The following FAM135A variants were observed in gnomAD, a reference collection of about 807,000 sequenced individuals.
The protein encoded by FAM135A is protein FAM135A.
Under a neutral mutation model 146.8 loss-of-function variants are expected in FAM135A, and 79 were observed. That is an observed-to-expected ratio of 0.54 (90% confidence interval 0.45 to 0.65). FAM135A has a LOEUF of 0.65. Among genes scored for constraint, FAM135A ranks in the 30% least tolerant of loss-of-function variants. The pLI, the probability that FAM135A is intolerant of heterozygous loss-of-function variation, is 0.00. For missense variants in FAM135A, 1,623 were observed against 1,758.2 expected, an observed-to-expected ratio of 0.92 and a Z score of 1.38; for synonymous variants, 562 against 603.6, an observed-to-expected ratio of 0.93 and a Z score of 1.01.
At chr6:70,522,641 C>T (rs1171985865) in intron 13 of FAM135A, 55 bp downstream of exon 13, 5 of 1,379,310 alleles carry the variant, frequency 3.6e-6, no homozygotes, top group Non-Finnish European at 5.1e-6. Flanking sequence ...ACATAAGATA[C>T]CTGTCTCAGA....
In FAM135A at chr6:70,533,209, G is replaced by T. The variant is rs750820923; in HGVS notation, c.3825G>T (p.Leu1275Phe). The T allele has an allele frequency of 5.0e-6, 8 of 1,613,280 alleles. No individual in the cohort carries two copies. The highest frequency in any genetic ancestry group is 6.8e-6 in the Non-Finnish European group (8 of 1,179,650). ...RLVKTYIELG[L>F]PGGRIDFLMS... ...TAAAAACTTACATTGAACTTGGATT[G>T]CCTGGGGGAAGAATTGATTTTCTTA... Residue 1275 changes from leucine to phenylalanine, a missense_variant, in exon 17 of 22, where the codon TTG (leucine) becomes TTT (phenylalanine). By Grantham distance (22) the Leu-to-Phe change is conservative. This residue lies in a region of FAM135A where 1,061 missense variants were observed against 1,113.8 expected (regional missense o/e 0.95). Transcript: ENST00000418814.
At chr6:70,417,905 CAT>C (rs765636910) in intron 2 of FAM135A, among the ~76,000 whole-genome samples, 57 of 152,320 alleles carry the variant, frequency 3.7e-4, no homozygotes, top group Admixed American at 6.5e-4. Context: ...AACAGAGAAA[CAT>C]ATAGCTTTTT....
intron 20 of FAM135A, among the ~76,000 whole-genome samples, chr6:70,541,660 TA>T (rs1797945154): frequency 6.6e-6 from 1 of 152,158 alleles, no homozygotes; most frequent in African/African-American, 2.4e-5. Flanking sequence ...TCTCAAATAT[TA>T]ATATATATCT....
intron 10 of FAM135A, among the ~76,000 whole-genome samples, chr6:70,485,951 A>G (rs1784541844): frequency 1.3e-5 from 2 of 152,248 alleles, no homozygotes; most frequent in African/African-American, 2.4e-5. Flanking sequence ...ATTAAGACAT[A>G]TTGGATTATG....
intron 20 of FAM135A, among the ~76,000 whole-genome samples, chr6:70,542,218 G>A (rs372575525): frequency 1.3e-4 from 19 of 146,916 alleles, no homozygotes; most frequent in South Asian, 1.1e-3. Flanking sequence ...CTATAATCTG[G>A]TCTCTGATTC....
chr6:70,462,696 A>G (rs1199383539), intron 5 of FAM135A, among the ~76,000 whole-genome samples: 1 of 151,746 alleles, frequency 6.6e-6, no homozygotes, highest in Admixed American at 6.6e-5. Context: ...GTCTTGGATA[A>G]TATTTTTTGT....
intron 13 of FAM135A, among the ~76,000 whole-genome samples, chr6:70,523,219 G>T (rs1793988209): frequency 6.6e-6 from 1 of 152,162 alleles, no homozygotes; most frequent in Non-Finnish European, 1.5e-5. Flanking sequence ...GGGAAGACAT[G>T]AGGGAACCAT....
At chr6:70,459,481 T>C (rs771399298) in intron 5 of FAM135A, among the ~76,000 whole-genome samples, 10 of 152,180 alleles carry the variant, frequency 6.6e-5, no homozygotes, top group Non-Finnish European at 1.2e-4. Context: ...TGAGTATTTA[T>C]AGAACTGTTG....
intron 12 of FAM135A, chr6:70,503,318 G>A (rs1053079736): frequency 6.6e-6 from 1 of 152,038 alleles, no homozygotes; most frequent in Admixed American, 6.5e-5. Flanking sequence ...CATCTCAAGA[G>A]GTTTTACGTG....
intron 4 of FAM135A, among the ~76,000 whole-genome samples, chr6:70,450,679 T>C (rs1776810325): frequency 1.3e-5 from 2 of 148,264 alleles, no homozygotes. Flanking sequence ...CTTGGAAATA[T>C]ATTATTTTGA....
intron 2 of FAM135A, among the ~76,000 whole-genome samples, chr6:70,425,832 G>A (rs1339471982): frequency 2.6e-5 from 4 of 152,154 alleles, no homozygotes; most frequent in African/African-American, 7.2e-5. Flanking sequence ...GGCCGGGCGC[G>A]GTGGCTCACG....
At chr6:70,539,211 G>A (rs116455057) in intron 20 of FAM135A, among the ~76,000 whole-genome samples, 61 of 152,230 alleles carry the variant, frequency 4.0e-4, no homozygotes, top group African/African-American at 1.4e-3. Flanking sequence ...ACTTCTGAAA[G>A]TGGAGACGTA....
chr6:70,440,639 GATTGCACC>G (rs1774243078), intron 4 of FAM135A, among the ~76,000 whole-genome samples: 1 of 152,200 alleles, frequency 6.6e-6, no homozygotes, highest in Admixed American at 6.5e-5. Context: ...AGTGAGCTGA[GATTGCACC>G]ATTGCACTCC....
intron 2 of FAM135A, among the ~76,000 whole-genome samples, chr6:70,421,628 T>TC (rs1768879198): frequency 3.9e-5 from 6 of 152,340 alleles, no homozygotes; most frequent in Admixed American, 2.6e-4. Context: ...CTGTTTGGGA[T>TC]CCCCCTCTAG....
intron 12 of FAM135A, among the ~76,000 whole-genome samples, chr6:70,507,106 C>G (rs1039176913): frequency 5.9e-5 from 9 of 152,016 alleles, no homozygotes; most frequent in African/African-American, 2.2e-4. Context: ...CTTCCCTTTT[C>G]TCACCCCATT....
intron 5 of FAM135A, among the ~76,000 whole-genome samples, chr6:70,468,654 G>GT (rs1398636236): frequency 4.6e-5 from 7 of 152,288 alleles, no homozygotes; most frequent in Middle Eastern, 3.4e-3. Flanking sequence ...TAGGTTGCAA[G>GT]TTTGGTAAAA....
At chr6:70,504,019 A>C (rs2128259748) in intron 12 of FAM135A, 1 of 152,316 alleles carries the variant, frequency 6.6e-6, no homozygotes, top group Non-Finnish European at 1.5e-5. Flanking sequence ...CAAATTGCTG[A>C]GTCATAGGTT....
rs142572372 is a variant in FAM135A at position 70,461,549 on chromosome 6, T to G, written c.157+8978T>G. On this transcript the variant is annotated intron_variant, in intron 5 of 21. Transcript: ENST00000418814. ...GAAGTGCATAGGATAACATTTCATGTTAATAAGTATAATTTTAAAATTTCA... is the reference window on the plus strand; with the variant it reads ...GAAGTGCATAGGATAACATTTCATGGTAATAAGTATAATTTTAAAATTTCA... Among the ~76,000 whole-genome samples the G allele has an allele frequency of 5.5e-3, 842 of 152,316 alleles. 5 individuals are homozygous for G. Among genetic ancestry groups the G allele is most frequent in the African/African-American group, 0.019 (791 of 41,560 alleles).
Position 70,526,748 on chromosome 6 carries a change from T to C in FAM135A, c.3614+50T>C, listed in dbSNP as rs907117052. On this transcript the variant is annotated intron_variant, in intron 15 of 21. Coordinates refer to ENST00000418814, the MANE Select transcript of FAM135A (RefSeq NM_001162529.3). The stretch of plus-strand genomic sequence containing the variant: ...CTGCTGCTAAATATATACATATATA[T>C]ATACACACACACACACATACACACA... The C allele has an allele frequency of 1.0e-4, 111 of 1,093,412 alleles. 1 individual carries two copies. Among genetic ancestry groups the C allele is most frequent in the Non-Finnish European group, 1.4e-4 (108 of 772,648 alleles). The allele number at this position is 1,093,412 out of a possible 1,614,324, so 67.7% of individuals were successfully genotyped here. A position where few individuals can be genotyped will look rare whatever the true frequency, so the allele number is the denominator to read the frequency against.
Sources: allele counts gnomAD v4.1 joint callset (sites outside exome capture counted in the v4.1 genomes callset), GRCh38; gene constraint gnomAD v4.1.1; regional missense constraint gnomAD v4.1.1; transcripts MANE v1.5; gene names NCBI Gene and HGNC (gene_info 2026-07-23, HGNC 2026-07-21).